The following SMG7 variants were observed in gnomAD, a reference collection of about 807,000 sequenced individuals.
SMG7 encodes SMG7 nonsense mediated mRNA decay factor.
Under a neutral mutation model 148.2 loss-of-function variants are expected in SMG7, and 34 were observed. The ratio of observed to expected loss-of-function variants is 0.23; its 90% CI spans 0.17 to 0.31. SMG7 has a LOEUF of 0.31. Ranked by LOEUF, SMG7 falls within the 10% of genes least tolerant of loss-of-function variation. The probability of loss-of-function intolerance (pLI) is 1.00; values close to 1 mark genes in which losing one functional copy is unlikely to be tolerated. For missense variants in SMG7, 1,114 were observed against 1,408.4 expected, an observed-to-expected ratio of 0.79 and a Z score of 3.35; for synonymous variants, 492 against 515.1, an observed-to-expected ratio of 0.96 and a Z score of 0.61.
Position 183,549,197 on chromosome 1 carries a change from G to C in SMG7, c.2893-11G>C. 1.3e-6 allele frequency: 2 copies of C among 1,599,110 alleles called. No individual in the cohort carries two copies. On this transcript the variant is annotated splice_polypyrimidine_tract_variant and intron_variant, in intron 18 of 22. Transcript: ENST00000688051. The stretch of plus-strand genomic sequence containing the variant: ...TATAACTTAATTACCTTTTTTTCTG[G>C]GACTGTGAAGAAATCCTTATTGGAG...
chr1:183,547,341 C>A, intron 18 of SMG7, 89 bp downstream of exon 18: 2 of 1,203,814 alleles, frequency 1.7e-6, no homozygotes, highest in South Asian at 1.7e-5. Context: ...GATTTCTTCT[C>A]TTCCTGGGGC....
At position 183,553,180 on chromosome 1, in the gene SMG7, GA is replaced by G. The variant is rs1390745372; in HGVS notation, c.*1250del. 1 of 1,535,926 alleles carries G rather than the reference GA, an allele frequency of 6.5e-7. No individual in the cohort carries two copies. The highest frequency in any genetic ancestry group is 2.4e-5 in the East Asian group (1 of 40,904). ...AAACACGACGTCGTCCATTTTGGAA[GA>G]GACGAAAGAAAGGAAAATAAACTCT... On this transcript the variant is annotated 3_prime_UTR_variant, in exon 23 of 23. Transcript: ENST00000688051.
intron 1 of SMG7, among the ~76,000 whole-genome samples, chr1:183,489,918 T>C (rs1656508039): frequency 6.6e-6 from 1 of 152,208 alleles, no homozygotes; most frequent in African/African-American, 2.4e-5. Flanking sequence ...GTTTGCAAAA[T>C]GTGGTCCCCA....
At chr1:183,507,565 A>G (rs1476699757) in intron 1 of SMG7, among the ~76,000 whole-genome samples, 1 of 152,214 alleles carries the variant, frequency 6.6e-6, no homozygotes, top group Non-Finnish European at 1.5e-5. Context: ...AAGTGGGAAC[A>G]ATAACAGTAC....
intron 10 of SMG7, among the ~76,000 whole-genome samples, chr1:183,535,476 T>C (rs1394180089): frequency 6.6e-6 from 1 of 152,216 alleles, no homozygotes; most frequent in Non-Finnish European, 1.5e-5. Context: ...TTTTAAAGAC[T>C]AGCATGGGAT....
rs757802646 is a variant in SMG7, at chr1:183,544,364, G to C, written c.1854G>C (p.Gln618His). The C allele has an allele frequency of 1.9e-6, 3 of 1,613,588 alleles. No individual in the cohort carries two copies. The East Asian group carries it at 6.7e-5, about 36-fold the overall frequency. The change falls in exon 15 of 23, where the codon CAG (glutamine) becomes CAC (histidine). Residue 618 changes from glutamine (Q) to histidine (H), a missense_variant. By Grantham distance (24) the Gln-to-His change is conservative. Transcript: ENST00000688051. ...TCTATTGGTTACAGGTAAAATCCCA[G>C]ACAGAACTAAGAAAGACTCCAGTGT... ...KQNVAVQVKS[Q>H]TELRKTPVSE...
rs994098482 is a variant in SMG7, at chr1:183,542,187, A to G, written c.1527A>G (p.Thr509=). The G allele has an allele frequency of 5.0e-6, 8 of 1,614,166 alleles. No homozygotes were observed. Among genetic ancestry groups the G allele is most frequent in the Middle Eastern group, 1.7e-4 (1 of 6,060 alleles). ...AAGAGAACCTCATTCTGCAAGAAAC[A>G]TCTGTGATAGAGTCGCTGGCTGCAG... ...EAKENLILQE[T]SVIESLAADG... Residue 509 remains threonine (T), a synonymous_variant, in exon 14 of 23, where the codon ACA becomes ACG. Coordinates refer to ENST00000688051, the MANE Select transcript of SMG7 (RefSeq NM_001375584.1).
chr1:183,473,705 C>T (rs1266093005), intron 1 of SMG7: 1 of 982,506 alleles, frequency 1.0e-6, no homozygotes, highest in African/African-American at 1.8e-5. Context: ...TAAAATTGGT[C>T]CTTTTTGTCT....
intron 1 of SMG7, among the ~76,000 whole-genome samples, chr1:183,475,080 C>T (rs138975217): frequency 7.1e-4 from 108 of 152,288 alleles, no homozygotes; most frequent in African/African-American, 2.6e-3. Flanking sequence ...GCTCATATAG[C>T]TGGTATGTGG....
rs1412489180 is a variant in SMG7 at position 183,497,881 on chromosome 1, A to G, written c.30-14956A>G. Among the ~76,000 whole-genome samples, 3 of 152,130 alleles carry G rather than the reference A, an allele frequency of 2.0e-5. No individual in the cohort carries two copies. In the East Asian group the frequency reaches 5.8e-4, roughly 29 times the overall value. On this transcript the variant is annotated intron_variant, in intron 1 of 22. Transcript: ENST00000688051. ...CACTGCACCTGGCCAAAATTATTTT[A>G]TTATTATACAGCACCCATTTCTTTG...
chr1:183,498,390 G>C (rs1031374679), intron 1 of SMG7, among the ~76,000 whole-genome samples: 7 of 152,138 alleles, frequency 4.6e-5, no homozygotes, highest in Non-Finnish European at 8.8e-5. Context: ...TTAGCCATCT[G>C]TGGTGGCACG....
chr1:183,520,864 A>T (rs1331884434), intron 4 of SMG7, among the ~76,000 whole-genome samples: 1 of 152,168 alleles, frequency 6.6e-6, no homozygotes, highest in East Asian at 1.9e-4. Context: ...AAAATCATGT[A>T]AATGTCTCAA....
chr1:183,542,130 A>C lies in SMG7; in HGVS notation c.1470A>C (p.Pro490=). The C allele has an allele frequency of 6.2e-7, 1 of 1,613,946 alleles. No individual in the cohort carries two copies. The highest frequency in any genetic ancestry group is 8.5e-7 in the Non-Finnish European group (1 of 1,179,868). Residue 490 remains proline, a synonymous_variant, in exon 14 of 23, where the codon CCA becomes CCC. Transcript: ENST00000688051. ...VGKLLFITEI[P]ELILEDPSEA... ...AATTGTTGTTTATCACAGAAATCCC[A>C]GAATTAATACTGGAAGACCCCAGTG...
chr1:183,529,935 G>T (rs1305799825), intron 8 of SMG7, among the ~76,000 whole-genome samples: 9 of 151,970 alleles, frequency 5.9e-5, no homozygotes, highest in African/African-American at 1.9e-4. Flanking sequence ...TCAGGATTGT[G>T]GTAGTTTGAA....
intron 10 of SMG7, among the ~76,000 whole-genome samples, chr1:183,534,187 T>C (rs576843594): frequency 6.6e-6 from 1 of 152,340 alleles, no homozygotes; most frequent in South Asian, 2.1e-4. Flanking sequence ...AGGGAAGAGA[T>C]TTTTATTCCA....
chr1:183,484,565 T>C (rs949648327), intron 1 of SMG7, among the ~76,000 whole-genome samples: 4 of 152,076 alleles, frequency 2.6e-5, no homozygotes, highest in African/African-American at 9.7e-5. Flanking sequence ...TTCTCAAGAA[T>C]GTGTCACCAG....
Position 183,551,905 on chromosome 1 carries a change from C to G in SMG7, c.3538C>G (p.Gln1180Glu). 8 of 1,613,766 alleles carry G rather than the reference C, an allele frequency of 5.0e-6. No homozygotes were observed. The highest frequency in any genetic ancestry group is 1.1e-5 in the South Asian group (1 of 91,032). Residue 1180 changes from glutamine (Q) to glutamate (E), a missense_variant, in exon 23 of 23, where the codon CAA (glutamine) becomes GAA (glutamate). Around this residue, in one of 4 missense-constraint regions of SMG7, gnomAD observed 788 missense variants for 894.5 expected, o/e 0.88. Transcript: ENST00000688051. ...MQQKQKQQRG[Q>E]GTMNPPH is the part of the protein sequence containing the mutation. ...GCAGAAGCAGAAACAGCAACGGGGA[C>G]AAGGCACCATGAACCCTCCACACTG... is the stretch of plus-strand genomic sequence containing the variant.
At chr1:183,481,680 G>C (rs1325485956) in intron 1 of SMG7, among the ~76,000 whole-genome samples, 1 of 152,046 alleles carries the variant, frequency 6.6e-6, no homozygotes, top group Non-Finnish European at 1.5e-5. Context: ...AGACAGATGT[G>C]GCACAAATAT....
intron 4 of SMG7, among the ~76,000 whole-genome samples, chr1:183,522,830 C>T (rs1209012907): frequency 1.3e-5 from 2 of 151,160 alleles, no homozygotes; most frequent in East Asian, 1.9e-4. Flanking sequence ...TGGCTGAGTA[C>T]GGTGCTTAAT....
Sources: allele counts gnomAD v4.1 joint callset (sites outside exome capture counted in the v4.1 genomes callset), GRCh38; gene constraint gnomAD v4.1.1; regional missense constraint gnomAD v4.1.1; transcripts MANE v1.5; gene names NCBI Gene and HGNC (gene_info 2026-07-23, HGNC 2026-07-21).